Variants in THSD4 observed in about 807,000 individuals in gnomAD.
THSD4 encodes thrombospondin type-1 domain-containing protein 4.
Under a neutral mutation model 119.0 loss-of-function variants are expected in THSD4, and 69 were observed. The observed-to-expected ratio is 0.58, with a 90% CI of 0.48 to 0.71. THSD4 has a LOEUF of 0.71. THSD4 is among the 30% of genes least tolerant of loss of function. THSD4 has a pLI of 0.00. For synonymous variants in THSD4, 524 were observed against 540.4 expected, an observed-to-expected ratio of 0.97 and a Z score of 0.42; for missense variants, 1,393 against 1,391.1, an observed-to-expected ratio of 1.00 and a Z score of -0.02.
intron 3 of THSD4, among the ~76,000 whole-genome samples, chr15:71,204,359 G>C (rs549281673): frequency 1.3e-5 from 2 of 152,124 alleles, no homozygotes; most frequent in Admixed American, 1.3e-4. Flanking sequence ...AAATCCATCC[G>C]GGCCTCCTTT....
intron 7 of THSD4, among the ~76,000 whole-genome samples, chr15:71,525,260 T>C (rs993548487): frequency 1.3e-5 from 2 of 152,118 alleles, no homozygotes; most frequent in Non-Finnish European, 2.9e-5. Flanking sequence ...ATGAGGCACA[T>C]AGAGATTAAA....
intron 8 of THSD4, among the ~76,000 whole-genome samples, chr15:71,667,774 C>T (rs950383458): frequency 1.3e-5 from 2 of 152,112 alleles, no homozygotes; most frequent in Admixed American, 6.6e-5. Context: ...TCAAGGAAGA[C>T]AAATGAAATA....
chr15:71,511,766 A>G (rs766014790), intron 7 of THSD4, among the ~76,000 whole-genome samples: 4 of 152,174 alleles, frequency 2.6e-5, no homozygotes, highest in African/African-American at 7.2e-5. Flanking sequence ...ATGCCAGCGC[A>G]CCTGGGCTCC....
At chr15:71,497,876 G>C (rs569898033) in intron 7 of THSD4, among the ~76,000 whole-genome samples, 5 of 152,280 alleles carry the variant, frequency 3.3e-5, no homozygotes, top group African/African-American at 1.2e-4. Context: ...TTGATGCCCT[G>C]AATTAAAATA....
At chr15:71,341,427 T>A (rs2045573367) in intron 6 of THSD4, 5 of 1,612,934 alleles carry the variant, frequency 3.1e-6, no homozygotes, top group Non-Finnish European at 4.2e-6. Flanking sequence ...TCTGCGTTTT[T>A]AAGCATGTGC....
intron 1 of THSD4, among the ~76,000 whole-genome samples, chr15:71,101,469 A>G (rs972184374): frequency 6.6e-6 from 1 of 152,152 alleles, no homozygotes; most frequent in African/African-American, 2.4e-5. Context: ...ATTTCAAAGA[A>G]CTTAAAATCT....
At chr15:71,603,257 T>A (rs2050046804) in intron 7 of THSD4, among the ~76,000 whole-genome samples, 1 of 152,136 alleles carries the variant, frequency 6.6e-6, no homozygotes, top group Non-Finnish European at 1.5e-5. Context: ...TGGAATTTAC[T>A]GGGCAAAAAG....
rs1436525822 is a variant in THSD4, at chr15:71,779,803, C to T, written c.*2429C>T. The T allele has an allele frequency of 6.6e-6, 1 of 151,648 alleles. No homozygotes were observed. The highest frequency in any genetic ancestry group is 1.5e-5 in the Non-Finnish European group (1 of 67,994). 9.4% of individuals were successfully genotyped at this position (151,648 alleles called of 1,614,324 possible). On this transcript the variant is annotated 3_prime_UTR_variant, in exon 18 of 18. Coordinates refer to ENST00000261862, the MANE Select transcript of THSD4 (RefSeq NM_024817.3). ...AATTGAAGAAGACCCGATGGATCAACCCCATGTCTCCCTTGGGGAGAAAGT... is the reference window on the plus strand; with the variant it reads ...AATTGAAGAAGACCCGATGGATCAATCCCATGTCTCCCTTGGGGAGAAAGT...
chr15:71,518,027 T>G (rs2048385082), intron 7 of THSD4, among the ~76,000 whole-genome samples: 1 of 152,202 alleles, frequency 6.6e-6, no homozygotes, highest in Non-Finnish European at 1.5e-5. Flanking sequence ...TCTCTTTGTT[T>G]TAATTATCCA....
intron 8 of THSD4, among the ~76,000 whole-genome samples, chr15:71,683,014 T>C (rs2051828616): frequency 7.1e-6 from 1 of 140,982 alleles, no homozygotes; most frequent in South Asian, 2.4e-4. Flanking sequence ...TCAACCCCCC[T>C]GGGCTCAAGA....
intron 7 of THSD4, among the ~76,000 whole-genome samples, chr15:71,471,869 A>T (rs1171628780): frequency 2.6e-5 from 4 of 152,052 alleles, no homozygotes; most frequent in African/African-American, 4.8e-5. Context: ...CATGGGTTTG[A>T]ATCCCAACTT....
At chr15:71,159,186 A>G (rs1267684157) in intron 3 of THSD4, among the ~76,000 whole-genome samples, 1 of 152,056 alleles carries the variant, frequency 6.6e-6, no homozygotes, top group Non-Finnish European at 1.5e-5. Context: ...TGTCTGCTTT[A>G]TGCCAGTACC....
At chr15:71,202,281 T>C (rs1036038863) in intron 3 of THSD4, among the ~76,000 whole-genome samples, 4 of 152,196 alleles carry the variant, frequency 2.6e-5, no homozygotes, top group Admixed American at 2.0e-4. Context: ...TACCTTTCTC[T>C]CTGTAGAACT....
intron 6 of THSD4, among the ~76,000 whole-genome samples, chr15:71,369,935 A>G (rs528128297): frequency 2.0e-4 from 30 of 152,232 alleles, no homozygotes; most frequent in African/African-American, 5.3e-4. Flanking sequence ...TTAGTAGGCT[A>G]TTACTTAGTG....
intron 6 of THSD4, among the ~76,000 whole-genome samples, chr15:71,323,865 A>G (rs1311667100): frequency 6.6e-6 from 1 of 152,220 alleles, no homozygotes; most frequent in East Asian, 1.9e-4. Context: ...TGCTGCTACT[A>G]TTATGGTTTC....
intron 7 of THSD4, among the ~76,000 whole-genome samples, chr15:71,654,601 A>C (rs924890325): frequency 5.3e-5 from 8 of 152,252 alleles, no homozygotes; most frequent in African/African-American, 1.9e-4. Context: ...CATGCCTAAC[A>C]GTAATAACAG....
At chr15:71,515,051 G>A (rs1567016837) in intron 7 of THSD4, among the ~76,000 whole-genome samples, 1 of 152,142 alleles carries the variant, frequency 6.6e-6, no homozygotes, top group Non-Finnish European at 1.5e-5. Flanking sequence ...TCTAGAAGTG[G>A]AAATTCTAGG....
chr15:71,437,793 C>T (rs1169186992), intron 7 of THSD4, among the ~76,000 whole-genome samples: 1 of 152,158 alleles, frequency 6.6e-6, no homozygotes, highest in Admixed American at 6.5e-5. Flanking sequence ...GCAAATTGCC[C>T]TCCGAAGTGG....
At chr15:71,516,729 C>G (rs992162857) in intron 7 of THSD4, among the ~76,000 whole-genome samples, 1 of 152,142 alleles carries the variant, frequency 6.6e-6, no homozygotes, top group Non-Finnish European at 1.5e-5. Context: ...TCTAAGAACT[C>G]TAGTAACTGA....
Sources: allele counts gnomAD v4.1 joint callset (sites outside exome capture counted in the v4.1 genomes callset), GRCh38; gene constraint gnomAD v4.1.1; transcripts MANE v1.5; gene names NCBI Gene and HGNC (gene_info 2026-07-23, HGNC 2026-07-21).